LINGO2: variants seen among roughly 807,000 people sequenced by gnomAD.
The protein encoded by LINGO2 is leucine-rich repeat and immunoglobulin-like domain-containing nogo receptor-interacting protein 2.
In LINGO2, 14 loss-of-function variants were observed where a neutral mutation model predicts 30.6. The observed-to-expected ratio is 0.46, with a 90% CI of 0.30 to 0.72. The LOEUF (loss-of-function observed/expected upper bound fraction) is 0.72. Ranked by LOEUF, LINGO2 falls within the 30% of genes least tolerant of loss-of-function variation. LINGO2 has a pLI of 0.07. For missense variants in LINGO2, 729 were observed against 751.7 expected, an observed-to-expected ratio of 0.97 and a Z score of 0.35; for synonymous variants, 317 against 288.5, an observed-to-expected ratio of 1.10 and a Z score of -1.00.
the LINGO2 span, among the ~76,000 whole-genome samples, chr9:29,056,303 A>G: frequency 2.0e-5 from 3 of 152,126 alleles, no homozygotes; most frequent in African/African-American, 4.8e-5. Flanking sequence ...TTGAAGGAGT[A>G]AGGTGGTATC....
At chr9:29,056,258 A>G in the LINGO2 span, among the ~76,000 whole-genome samples, 5 of 152,130 alleles carry the variant, frequency 3.3e-5, no homozygotes, top group South Asian at 8.3e-4. Context: ...CCACGCCAGC[A>G]TCTATTATTT....
At chr9:28,999,078 G>A in the LINGO2 span, among the ~76,000 whole-genome samples, 2 of 152,072 alleles carry the variant, frequency 1.3e-5, no homozygotes, top group African/African-American at 4.8e-5. Context: ...CAGGGTAAAT[G>A]AAGTTTAGTG....
intron 1 of LINGO2, among the ~76,000 whole-genome samples, chr9:28,646,046 C>T (rs1563889834): frequency 6.6e-6 from 1 of 152,064 alleles, no homozygotes. Flanking sequence ...TTTTCATGAT[C>T]AAATTAGAAA....
intron 1 of LINGO2, among the ~76,000 whole-genome samples, chr9:28,631,678 A>T (rs1365200807): frequency 2.6e-5 from 4 of 152,100 alleles, no homozygotes; most frequent in Admixed American, 2.6e-4. Flanking sequence ...CCTTAGGTAC[A>T]GATGGCAAAC....
At chr9:28,803,156 T>C in the LINGO2 span, among the ~76,000 whole-genome samples, 1 of 152,188 alleles carries the variant, frequency 6.6e-6, no homozygotes, top group East Asian at 1.9e-4. Context: ...ATCGAATTTA[T>C]TTTTCCTTGA....
At chr9:28,642,486 A>G (rs1379650325) in intron 1 of LINGO2, among the ~76,000 whole-genome samples, 1 of 152,172 alleles carries the variant, frequency 6.6e-6, no homozygotes, top group East Asian at 1.9e-4. Flanking sequence ...AACAAGCATG[A>G]CAATTATTTT....
chr9:29,153,096 TAA>T, the LINGO2 span, among the ~76,000 whole-genome samples: 2 of 152,128 alleles, frequency 1.3e-5, no homozygotes, highest in South Asian at 2.1e-4. Context: ...ATGAATAGAT[TAA>T]GTTTTATAGC....
the LINGO2 span, among the ~76,000 whole-genome samples, chr9:28,707,884 C>T: frequency 6.6e-6 from 1 of 152,064 alleles, no homozygotes. Context: ...CCAATTAAAA[C>T]ACACATTCAA....
chr9:29,099,261 C>A, the LINGO2 span, among the ~76,000 whole-genome samples: 1 of 152,212 alleles, frequency 6.6e-6, no homozygotes, highest in Admixed American at 6.5e-5. Context: ...AAAGCTAAGA[C>A]TTCAAACTAT....
At chr9:28,299,282 C>G (rs1824045712) in intron 3 of LINGO2, among the ~76,000 whole-genome samples, 1 of 152,054 alleles carries the variant, frequency 6.6e-6, no homozygotes, top group Non-Finnish European at 1.5e-5. Context: ...TTTTCCCATA[C>G]TAACACAGAG....
chr9:29,017,407 A>G, the LINGO2 span, among the ~76,000 whole-genome samples: 2 of 152,178 alleles, frequency 1.3e-5, no homozygotes, highest in African/African-American at 4.8e-5. Flanking sequence ...ACAATTTTCA[A>G]TGCTTTTCAG....
the LINGO2 span, among the ~76,000 whole-genome samples, chr9:29,195,259 A>G: frequency 6.6e-6 from 1 of 152,086 alleles, no homozygotes; most frequent in Non-Finnish European, 1.5e-5. Flanking sequence ...CTGTTTAACC[A>G]GTCACCTAAT....
chr9:28,823,397 G>A, the LINGO2 span, among the ~76,000 whole-genome samples: 23 of 152,248 alleles, frequency 1.5e-4, no homozygotes, highest in African/African-American at 4.3e-4. Context: ...AGGTTTTTCC[G>A]AAGATTACCA....
chr9:28,206,393 T>A (rs1338640885), intron 4 of LINGO2, among the ~76,000 whole-genome samples: 1 of 152,058 alleles, frequency 6.6e-6, no homozygotes, highest in African/African-American at 2.4e-5. Flanking sequence ...TGAAAATGCC[T>A]AGTTTGATAC....
intron 1 of LINGO2, among the ~76,000 whole-genome samples, chr9:28,631,101 A>C (rs62548188): frequency 0.079 from 12,077 of 151,944 alleles, 670 homozygotes; most frequent in Admixed American, 0.2. Flanking sequence ...AAATACCAGT[A>C]CTCCAAGGAT....
At chr9:28,978,506 A>G in the LINGO2 span, among the ~76,000 whole-genome samples, 2 of 152,100 alleles carry the variant, frequency 1.3e-5, no homozygotes, top group Non-Finnish European at 2.9e-5. Flanking sequence ...CTTTTATAAA[A>G]TGGGAATAAT....
the LINGO2 span, among the ~76,000 whole-genome samples, chr9:28,999,724 A>G: frequency 6.6e-6 from 1 of 152,036 alleles, no homozygotes; most frequent in Non-Finnish European, 1.5e-5. Context: ...TTAGGAAAAA[A>G]TAGGGATAAT....
At chr9:28,087,706 C>T (rs911437540) in intron 4 of LINGO2, among the ~76,000 whole-genome samples, 1 of 152,130 alleles carries the variant, frequency 6.6e-6, no homozygotes, top group East Asian at 1.9e-4. Context: ...CAGCCAGCTG[C>T]TTTGAGCCAA....
chr9:28,809,129 T>C, the LINGO2 span, among the ~76,000 whole-genome samples: 1 of 152,158 alleles, frequency 6.6e-6, no homozygotes, highest in Non-Finnish European at 1.5e-5. Flanking sequence ...TTAAACAAAA[T>C]GAGAAAAAGA....
Sources: gnomAD v4.1 joint callset for allele counts (sites outside exome capture counted in the v4.1 genomes callset) on GRCh38, gnomAD v4.1.1 for gene constraint, MANE v1.5 for transcripts, NCBI Gene and HGNC (gene_info 2026-07-23, HGNC 2026-07-21) for gene names.